The following RASGRF1 variants were observed in gnomAD, a reference collection of about 807,000 sequenced individuals.
RASGRF1 encodes the protein Ras protein specific guanine nucleotide releasing factor 1, also known as ras-specific guanine nucleotide-releasing factor 1.
RASGRF1 carries 40 observed loss-of-function variants against 138.7 expected under a neutral mutation model. The ratio of observed to expected loss-of-function variants is 0.29; its 90% confidence interval spans 0.22 to 0.38. RASGRF1 has a LOEUF of 0.38. Among genes scored for constraint, RASGRF1 ranks in the 10% least tolerant of loss-of-function variants. The pLI is 1.00. For missense variants in RASGRF1, 1,108 were observed against 1,650.4 expected, an observed-to-expected ratio of 0.67 and a Z score of 5.69; for synonymous variants, 614 against 663.2, an observed-to-expected ratio of 0.93 and a Z score of 1.14.
At chr15:79,049,959 C>CT (rs2057408867) in intron 3 of RASGRF1, among the ~76,000 whole-genome samples, 1 of 152,126 alleles carries the variant, frequency 6.6e-6, no homozygotes, top group Non-Finnish European at 1.5e-5. Context: ...CAACCGGTCC[C>CT]TTTTTTTAAA....
chr15:79,075,803 G>T (rs1369074618), intron 1 of RASGRF1, among the ~76,000 whole-genome samples: 1 of 152,208 alleles, frequency 6.6e-6, no homozygotes, highest in Non-Finnish European at 1.5e-5. Context: ...GGGTCTGGCA[G>T]TGAAGCTCAG....
At position 78,991,815 on chromosome 15, in the gene RASGRF1, C is replaced by G. The variant is rs145882041; in HGVS notation, c.3028-21G>C. On this transcript the variant is annotated intron_variant, in intron 20 of 26. Coordinates refer to ENST00000558480, the MANE Select transcript of RASGRF1 (RefSeq NM_001145648.3). ...TCAGCCTGGTTTTGAGTTGGGGGAG[C>G]AACATTTTGAGTTAGGCCCATGACG... 4.3e-5 allele frequency: 69 copies of G among 1,595,688 alleles called. 1 individual carries two copies. The Middle Eastern group carries it at 8.4e-4, about 20-fold the overall frequency.
chr15:78,984,989 C>T lies in RASGRF1; in HGVS notation c.3414+18G>A. On this transcript the variant is annotated intron_variant, in intron 23 of 26. Transcript: ENST00000558480. ...ATCCAGCCCCAGGGAGGCAGTGGTG[C>T]CAGCCTCCTGCCCGCACCTGCTTAG... 1 of 1,610,970 alleles carries T rather than the reference C, an allele frequency of 6.2e-7. No homozygotes were observed. The highest frequency in any genetic ancestry group is 8.5e-7 in the Non-Finnish European group (1 of 1,177,162).
chr15:79,073,201 C>G lies in RASGRF1; in HGVS notation c.277-8675G>C, dbSNP rs1425181156. Among the ~76,000 whole-genome samples, 2 of 151,974 alleles carry G rather than the reference C, an allele frequency of 1.3e-5. No homozygotes were observed. Among genetic ancestry groups the G allele is most frequent in the South Asian group, 4.2e-4 (2 of 4,808 alleles). On this transcript the variant is annotated intron_variant, in intron 1 of 26. Coordinates refer to ENST00000558480, the MANE Select transcript of RASGRF1 (RefSeq NM_001145648.3). The surrounding 1 kb of genome is among the most constrained non-coding windows in gnomAD (Gnocchi z 4.2). ...TCAATAACAAATCTTCACAGGCCTA[C>G]TAGAGTTGCTGGAATAGATCTAGTA...
At chr15:79,040,683 A>G (rs2057286356) in intron 5 of RASGRF1, among the ~76,000 whole-genome samples, 1 of 152,184 alleles carries the variant, frequency 6.6e-6, no homozygotes, top group Admixed American at 6.5e-5. Flanking sequence ...ACACACACAA[A>G]TGTGCTATTT....
Position 79,027,619 on chromosome 15 carries a change from C to A in RASGRF1, c.1381+122G>T. The A allele has an allele frequency of 1.3e-6, 1 of 784,542 alleles. No homozygotes were observed. Among genetic ancestry groups the A allele is most frequent in the South Asian group, 1.6e-5 (1 of 60,756 alleles). The allele number at this position is 784,542 out of a possible 1,614,324, so 48.6% of individuals were successfully genotyped here. The stretch of plus-strand genomic sequence containing the variant: ...CAGCAGCCTGGGAATATTCTGCAAT[C>A]ACATTGGCAGGTCTTGGCATGTGGC... On this transcript the variant is annotated intron_variant, in intron 9 of 26. Transcript: ENST00000558480. This position sits in a 1 kb window ranked among gnomAD's most constrained non-coding sequence, Gnocchi z 4.8.
chr15:79,012,251 G>T (rs1198817010), intron 13 of RASGRF1, among the ~76,000 whole-genome samples: 1 of 152,072 alleles, frequency 6.6e-6, no homozygotes, highest in African/African-American at 2.4e-5. Context: ...TTCCCAGAAT[G>T]CCCTTCCCCC....
Position 79,075,307 on chromosome 15 carries a change from T to A in RASGRF1, c.277-10781A>T, listed in dbSNP as rs536976466. Among the ~76,000 whole-genome samples the A allele has an allele frequency of 1.8e-4, 28 of 152,322 alleles. 2 individuals carry two copies. In the South Asian group the frequency reaches 5.8e-3, roughly 32 times the overall value. ...GACTAGACTCACATGTGGGCCCTTGTCTTTGCTGGAGGAAATGTTCTGGAA... is the reference window on the plus strand; with the variant it reads ...GACTAGACTCACATGTGGGCCCTTGACTTTGCTGGAGGAAATGTTCTGGAA... On this transcript the variant is annotated intron_variant, in intron 1 of 26. Coordinates refer to ENST00000558480, the MANE Select transcript of RASGRF1 (RefSeq NM_001145648.3).
intron 24 of RASGRF1, among the ~76,000 whole-genome samples, chr15:78,976,895 G>A (rs2055884124): frequency 1.3e-5 from 2 of 152,222 alleles, no homozygotes; most frequent in Admixed American, 6.5e-5. Flanking sequence ...CCTGCAGCTA[G>A]CATTTTAGGG....
chr15:79,019,377 C>G (rs1285476465), intron 11 of RASGRF1, among the ~76,000 whole-genome samples: 1 of 152,148 alleles, frequency 6.6e-6, no homozygotes, highest in Non-Finnish European at 1.5e-5. Context: ...AATTCTGATG[C>G]CTTGGGAGAT....
At chr15:79,023,475 T>TGTCTTGGG (rs1567535057) in intron 10 of RASGRF1, among the ~76,000 whole-genome samples, 1 of 151,982 alleles carries the variant, frequency 6.6e-6, no homozygotes, top group Non-Finnish European at 1.5e-5. Context: ...AGACAAGTAG[T>TGTCTTGGG]GGGCTGTGTC....
At chr15:78,963,140 G>A (rs1361024603) in intron 26 of RASGRF1, among the ~76,000 whole-genome samples, 1 of 152,134 alleles carries the variant, frequency 6.6e-6, no homozygotes, top group Non-Finnish European at 1.5e-5. Context: ...GCATTTTGCT[G>A]AATGCCTGCG....
intron 13 of RASGRF1, among the ~76,000 whole-genome samples, chr15:79,008,934 C>T (rs2056739223): frequency 1.3e-5 from 2 of 152,310 alleles, no homozygotes; most frequent in South Asian, 2.1e-4. Flanking sequence ...AGTCTCTATT[C>T]TCCCTACAAG....
intron 26 of RASGRF1, among the ~76,000 whole-genome samples, chr15:78,969,444 G>A (rs2055707107): frequency 6.6e-6 from 1 of 152,216 alleles, no homozygotes; most frequent in African/African-American, 2.4e-5. Context: ...GCTGAGGCGG[G>A]TGGATCACGA....
Position 79,003,557 on chromosome 15 carries a change from A to C in RASGRF1, c.2449+245T>G, listed in dbSNP as rs1049985836. On this transcript the variant is annotated intron_variant, in intron 15 of 26. Coordinates refer to ENST00000558480, the MANE Select transcript of RASGRF1 (RefSeq NM_001145648.3). ...GCTCGTGATGGGAACTGACTCATCT[A>C]AAGTGTGGCGATGCCCTGGGAATTT... 2.7e-4 allele frequency among the ~76,000 whole-genome samples: 41 copies of C among 152,198 alleles called. 1 individual carries two copies. The highest frequency in any genetic ancestry group is 2.5e-3 in the Admixed American group (38 of 15,290).
rs745718561 is a variant in RASGRF1 at position 78,962,224 on chromosome 15, A to T, written c.3694T>A (p.Leu1232Ile). ...IEHQAKVTQYLLDQSFVMDEE... is the reference protein window; with the variant it reads ...IEHQAKVTQYILDQSFVMDEE... ...TCCATTACAAAAGATTGGTCCAGTA[A>T]ATATTGCGTTACCTGAGAAAAGAAA... The change falls in exon 27 of 27, where the codon TTA becomes ATA. Residue 1232 changes from leucine to isoleucine, a missense_variant. This residue lies in a region of RASGRF1 where 686 missense variants were observed against 976.7 expected (regional missense o/e 0.70). Coordinates refer to ENST00000558480, the MANE Select transcript of RASGRF1 (RefSeq NM_001145648.3). The T allele has an allele frequency of 6.4e-6, 10 of 1,568,174 alleles. 1 individual carries two copies. In the South Asian group the frequency reaches 1.2e-4, roughly 18 times the overall value.
chr15:78,999,209 TC>T (rs1259089226), intron 17 of RASGRF1, among the ~76,000 whole-genome samples: 1 of 151,972 alleles, frequency 6.6e-6, no homozygotes, highest in East Asian at 1.9e-4. Context: ...GGACAGAGGT[TC>T]CCATGGGCAA....
chr15:79,049,591 G>A lies in RASGRF1; in HGVS notation c.532-3C>T, dbSNP rs1282671895. ...TTGTCCTTGAGCAGGGATGTGATCTGCAACAGCAACACAGGTCAGCCTGTG... is the reference window on the plus strand; with the variant it reads ...TTGTCCTTGAGCAGGGATGTGATCTACAACAGCAACACAGGTCAGCCTGTG... On this transcript the variant is annotated splice_polypyrimidine_tract_variant and splice_region_variant and intron_variant, in intron 3 of 26. Transcript: ENST00000558480. The A allele has an allele frequency of 3.1e-6, 5 of 1,611,592 alleles. No homozygotes were observed. Among genetic ancestry groups the A allele is most frequent in the Non-Finnish European group, 4.2e-6 (5 of 1,178,818 alleles).
intron 24 of RASGRF1, chr15:78,979,358 G>C (rs1044462409): frequency 1.0e-5 from 4 of 400,130 alleles, no homozygotes; most frequent in African/African-American, 8.4e-5. Flanking sequence ...TCAAGGGCTG[G>C]AGGTTTTGGC....
Sources: gnomAD v4.1 joint callset for allele counts (sites outside exome capture counted in the v4.1 genomes callset) on GRCh38, gnomAD v4.1.1 for gene constraint, gnomAD v4.1.1 regional missense constraint, Gnocchi (gnomAD v3.1) non-coding constraint, MANE v1.5 for transcripts, NCBI Gene and HGNC (gene_info 2026-07-23, HGNC 2026-07-21) for gene names.